KIAA1217: variants seen among roughly 807,000 people sequenced by gnomAD.
KIAA1217 encodes KIAA1217.
Under a neutral mutation model 163.9 loss-of-function variants are expected in KIAA1217, and 88 were observed. That is an observed-to-expected ratio of 0.54 (90% CI 0.45 to 0.64). The LOEUF is 0.64. Ranked by LOEUF, KIAA1217 falls within the 30% of genes least tolerant of loss-of-function variation. The pLI is 0.00. For synonymous variants in KIAA1217, 903 were observed against 923.1 expected (o/e 0.98, Z 0.39); for missense variants, 2,372 against 2,475.0 (o/e 0.96, Z 0.88).
intron 1 of KIAA1217, among the ~76,000 whole-genome samples, chr10:23,761,466 CT>C (rs1208714680): frequency 6.6e-6 from 1 of 151,986 alleles, no homozygotes; most frequent in African/African-American, 2.4e-5. Context: ...CTTTTTTCTC[CT>C]TGGTTTCAAA....
At chr10:24,411,614 A>G (rs1291732494) in intron 3 of KIAA1217, among the ~76,000 whole-genome samples, 1 of 152,148 alleles carries the variant, frequency 6.6e-6, no homozygotes, top group African/African-American at 2.4e-5. Context: ...TTGTGTATGC[A>G]TGTGTGTGTG....
At chr10:23,704,285 A>G (rs1209331408) in intron 1 of KIAA1217, among the ~76,000 whole-genome samples, 1 of 146,616 alleles carries the variant, frequency 6.8e-6, no homozygotes, top group Non-Finnish European at 1.5e-5. Flanking sequence ...TTTTTAAAAA[A>G]CAGCTTTATT....
chr10:23,728,659 G>C (rs1222491446), intron 1 of KIAA1217, among the ~76,000 whole-genome samples: 1 of 152,078 alleles, frequency 6.6e-6, no homozygotes, highest in Non-Finnish European at 1.5e-5. Context: ...AAGCTTTTTA[G>C]TTTAATTAGA....
At chr10:23,939,228 G>GAT (rs1160574340) in intron 1 of KIAA1217, among the ~76,000 whole-genome samples, 1 of 152,092 alleles carries the variant, frequency 6.6e-6, no homozygotes, top group Non-Finnish European at 1.5e-5. Flanking sequence ...ATAGCAAGAG[G>GAT]ATAGATTTAA....
chr10:24,523,721 A>G (rs1026025474), intron 12 of KIAA1217, among the ~76,000 whole-genome samples: 2 of 152,220 alleles, frequency 1.3e-5, no homozygotes, highest in African/African-American at 4.8e-5. Flanking sequence ...TATATAAAGC[A>G]TGAACTAACT....
At position 24,445,739 on chromosome 10, in the gene KIAA1217, C is replaced by T. The variant is rs561408231; in HGVS notation, c.846+7260C>T. Among the ~76,000 whole-genome samples the T allele has an allele frequency of 2.9e-4, 44 of 152,058 alleles. 2 individuals are homozygous for T. Among genetic ancestry groups the T allele is most frequent in the Admixed American group, 9.2e-4 (14 of 15,276 alleles). ...CATTTTTTATGGCTGCATAGTATTC[C>T]ATGGTGTATATGTGCCACATTTTCT... On this transcript the variant is annotated intron_variant, in intron 5 of 20. Transcript: ENST00000376454.
chr10:24,418,719 T>C (rs1333511593), intron 3 of KIAA1217, among the ~76,000 whole-genome samples: 1 of 152,146 alleles, frequency 6.6e-6, no homozygotes, highest in African/African-American at 2.4e-5. Context: ...ATAAATCTCC[T>C]AGGGGGCAGT....
chr10:24,008,158 T>TTAGATAGA lies in KIAA1217; in HGVS notation c.-171+826_-171+833dup, dbSNP rs60229610. Reference sequence around the variant, plus strand: ...ATTTAATCCATAGGAAGGTAGGAAATTAGATAGATAGATAGATAGATAGAT... The same window carrying TTAGATAGA: ...ATTTAATCCATAGGAAGGTAGGAAATTAGATAGATAGATAGATAGATAGATAGATAGAT... On this transcript the variant is annotated intron_variant, in intron 2 of 18. Transcript: ENST00000376462. 1.8e-3 allele frequency among the ~76,000 whole-genome samples: 261 copies of TTAGATAGA among 148,366 alleles called. 1 individual carries two copies. The highest frequency in any genetic ancestry group is 3.5e-3 in the East Asian group (17 of 4,920).
At chr10:24,396,030 A>G (rs1591584138) in intron 3 of KIAA1217, among the ~76,000 whole-genome samples, 1 of 152,252 alleles carries the variant, frequency 6.6e-6, no homozygotes, top group Admixed American at 6.5e-5. Flanking sequence ...AATGCCAGCA[A>G]TGATTCTTTT....
At chr10:23,850,930 A>T (rs1232863602) in intron 1 of KIAA1217, among the ~76,000 whole-genome samples, 8 of 152,156 alleles carry the variant, frequency 5.3e-5, no homozygotes, top group African/African-American at 1.9e-4. Flanking sequence ...ACTCACTATC[A>T]ATGAGAACAG....
intron 1 of KIAA1217, among the ~76,000 whole-genome samples, chr10:23,902,315 G>A (rs774929026): frequency 7.2e-5 from 11 of 152,106 alleles, no homozygotes; most frequent in Non-Finnish European, 1.3e-4. Context: ...TGGGAGCTAC[G>A]TGATAAGAAC....
chr10:23,843,058 C>T (rs1472172195), intron 1 of KIAA1217, among the ~76,000 whole-genome samples: 2 of 152,086 alleles, frequency 1.3e-5, no homozygotes, highest in South Asian at 2.1e-4. Context: ...TAGGGTTAGT[C>T]GTGAAGTGGA....
At chr10:24,359,080 TTC>T (rs59362362) in intron 2 of KIAA1217, among the ~76,000 whole-genome samples, 30,643 of 86,668 alleles carry the variant, frequency 0.35, 4,033 homozygotes, top group Non-Finnish European at 0.46. Context: ...CTTTCTTTCT[TTC>T]TTTTTTTTTT....
intron 1 of KIAA1217, among the ~76,000 whole-genome samples, chr10:23,831,721 G>T (rs910618857): frequency 7.2e-5 from 11 of 152,052 alleles, no homozygotes; most frequent in South Asian, 2.1e-4. Flanking sequence ...CATTCTTCTT[G>T]TGGTTATATT....
chr10:24,539,397 T>G (rs1451393320), intron 17 of KIAA1217, among the ~76,000 whole-genome samples: 2 of 151,762 alleles, frequency 1.3e-5, no homozygotes, highest in Non-Finnish European at 2.9e-5. Flanking sequence ...CCCGGCTAAT[T>G]TTTTTGTATT....
At chr10:24,228,760 C>T (rs891836672) in intron 2 of KIAA1217, among the ~76,000 whole-genome samples, 4 of 152,114 alleles carry the variant, frequency 2.6e-5, no homozygotes, top group Non-Finnish European at 5.9e-5. Flanking sequence ...CTAAAATCTT[C>T]CTGCTCTAGT....
intron 2 of KIAA1217, among the ~76,000 whole-genome samples, chr10:24,321,628 C>T (rs2044172084): frequency 6.6e-6 from 1 of 152,098 alleles, no homozygotes; most frequent in African/African-American, 2.4e-5. Context: ...AATGGATGAA[C>T]CTTGAGGACA....
chr10:23,952,222 C>T (rs192444280), intron 1 of KIAA1217, among the ~76,000 whole-genome samples: 4 of 152,176 alleles, frequency 2.6e-5, no homozygotes, highest in Non-Finnish European at 4.4e-5. Context: ...GATGTCTTTG[C>T]CTTCTTCGGG....
chr10:24,339,879 T>C (rs1021853541), intron 2 of KIAA1217, among the ~76,000 whole-genome samples: 1 of 152,192 alleles, frequency 6.6e-6, no homozygotes, highest in African/African-American at 2.4e-5. Context: ...CCAAAACAGA[T>C]TCTCCCCTTT....
Sources: allele counts gnomAD v4.1 joint callset (sites outside exome capture counted in the v4.1 genomes callset), GRCh38; gene constraint gnomAD v4.1.1; transcripts MANE v1.5; gene names NCBI Gene and HGNC (gene_info 2026-07-23, HGNC 2026-07-21).